GREP1: variants seen among roughly 807,000 people sequenced by gnomAD.
GREP1 encodes glycine rich extracellular protein 1, also known as glycine-rich extracellular protein 1.
intron 20 of GREP1, 166 bp downstream of exon 19, chr16:2,996,871 A>C (rs2072427462): frequency 2.5e-6 from 1 of 399,030 alleles, no homozygotes; most frequent in South Asian, 1.3e-4. Context: ...AGAGACTGAG[A>C]GCCCCCTTCC....
intron 25 of GREP1, among the ~76,000 whole-genome samples, 152 bp from the exon 24 acceptor site, chr16:2,998,693 GCTT>G (rs1336199301): frequency 6.6e-6 from 1 of 152,184 alleles, no homozygotes; most frequent in Non-Finnish European, 1.5e-5. Context: ...AGGGAGCTGG[GCTT>G]TTTCCAGCCT....
rs1228893441 is a variant in GREP1, at chr16:2,997,108, C to T, written c.886+23C>T. 7.5e-6 allele frequency: 3 copies of T among 399,098 alleles called. No homozygotes were observed. In the Admixed American group the frequency reaches 1.3e-4, roughly 18 times the overall value. 24.7% of individuals were successfully genotyped at this position (399,098 alleles called of 1,614,324 possible). ...CAGGTGAGCCCTGCCCCGCCTGTCC[C>T]TCTGCCTCCCCCAAACCCTGAGCTC... On this transcript the variant is annotated intron_variant, in intron 21 of 34. Coordinates refer to ENST00000573315, the Ensembl canonical transcript of GREP1.
chr16:2,997,959 C>T lies in GREP1; in HGVS notation c.949+124C>T, dbSNP rs116569452. 972 of 337,462 alleles carry T rather than the reference C, an allele frequency of 2.9e-3. 5 individuals are homozygous for T. Among genetic ancestry groups the T allele is most frequent in the African/African-American group, 0.019 (885 of 46,618 alleles). The allele number at this position is 337,462 out of a possible 1,614,324, so 20.9% of individuals were successfully genotyped here. On this transcript the variant is annotated intron_variant, in intron 23 of 34. Transcript: ENST00000573315. ...AGAACGGGCTGGAGCTGGAGCCTTC[C>T]TGTGGGAAGGAGCCCAGCCAGGTGA...
intron 19 of GREP1, 34 bp downstream of exon 18, chr16:2,996,565 G>A (rs114305206): frequency 1.4e-3 from 572 of 399,398 alleles, no homozygotes; most frequent in African/African-American, 3.4e-3. Context: ...GCGAGGGGTC[G>A]GGAGGTGGGA....
In GREP1 at chr16:2,996,889, T is replaced by TGCCTCCCTGTCCCCC. The variant is rs1567398331; in HGVS notation, c.746-55_746-41dup. 2.0e-5 allele frequency: 8 copies of TGCCTCCCTGTCCCCC among 399,322 alleles called. 1 individual carries two copies. The South Asian group carries it at 1.0e-3, about 51-fold the overall frequency. The allele number at this position is 399,322 out of a possible 1,614,324, so 24.7% of individuals were successfully genotyped here. ...GACTGAGAGCCCCCTTCCTGGCCCCTGCCTCCCTGTCCCCCAGTGGCTCAG... is the reference window on the plus strand; with the variant it reads ...GACTGAGAGCCCCCTTCCTGGCCCCTGCCTCCCTGTCCCCCGCCTCCCTGTCCCCCAGTGGCTCAG... On this transcript the variant is annotated intron_variant, in intron 20 of 34. Coordinates refer to ENST00000573315, the Ensembl canonical transcript of GREP1.
In GREP1 at chr16:3,000,823, G is replaced by GCCAGGTAA. The variant is rs548206416; in HGVS notation, c.1529_1531+5dup. The GCCAGGTAA allele has an allele frequency of 1.0e-3, 407 of 399,166 alleles. 4 individuals carry two copies. The East Asian group carries it at 0.014, about 14-fold the overall frequency. 24.7% of individuals were successfully genotyped at this position (399,166 alleles called of 1,614,324 possible). On this transcript the variant is annotated frameshift_variant, in exon 33 of 35. Coordinates refer to ENST00000573315, the Ensembl canonical transcript of GREP1. LOFTEE classifies it high-confidence loss of function. Reference sequence around the variant, plus strand: ...ATGAATATGCTGAGGCCAGGAGCCAGCCAGGTAACGGGATGCCTGGATGAG... The same window carrying GCCAGGTAA: ...ATGAATATGCTGAGGCCAGGAGCCAGCCAGGTAACCAGGTAACGGGATGCCTGGATGAG...
chr16:3,001,093 A>G (rs2072459481), intron 33 of GREP1, among the ~76,000 whole-genome samples, 188 bp from the exon 28 acceptor site: 1 of 151,964 alleles, frequency 6.6e-6, no homozygotes, highest in African/African-American at 2.4e-5. Flanking sequence ...GGAGTTGGGA[A>G]CGAGGGCCAT....
chr16:3,000,173 T>C (rs1314748801), intron 29 of GREP1, 55 bp downstream of exon 26: 2 of 399,160 alleles, frequency 5.0e-6, no homozygotes, highest in Non-Finnish European at 8.8e-6. Flanking sequence ...ATCTCCCTCA[T>C]GCCTGAGTCA....
rs1254263688 is a variant in GREP1 at position 2,989,610 on chromosome 16, G to T, written c.130+58G>T. 2 of 400,180 alleles carry T rather than the reference G, an allele frequency of 5.0e-6. No homozygotes were observed. Among genetic ancestry groups the T allele is most frequent in the African/African-American group, 2.1e-5 (1 of 48,544 alleles). 24.8% of individuals were successfully genotyped at this position (400,180 alleles called of 1,614,324 possible). A position where few individuals can be genotyped will look rare whatever the true frequency, so the allele number is the denominator to read the frequency against. ...AGGGCAGGGCACGGGGCAGGGGGGA[G>T]GCAGGACAGGAACAGGGAAAGCTGG... On this transcript the variant is annotated intron_variant, in intron 3 of 34. Transcript: ENST00000573315. The surrounding 1 kb of genome is among the most constrained non-coding windows in gnomAD (Gnocchi z 4.2).
chr16:2,992,595 C>G lies in GREP1; in HGVS notation c.323-210C>G, dbSNP rs2072404674. ...GGCCTCGGCTGGCCATGGAGGACAC[C>G]CAAGCTGGTCAAGGGTGGCCACGGT... On this transcript the variant is annotated intron_variant, in intron 8 of 34. Transcript: ENST00000573315. The surrounding 1 kb of genome is among the most constrained non-coding windows in gnomAD (Gnocchi z 4.9). 2.6e-6 allele frequency: 1 copy of G among 384,488 alleles called. No homozygotes were observed. Among genetic ancestry groups the G allele is most frequent in the Admixed American group, 4.5e-5 (1 of 22,232 alleles). 23.8% of individuals were successfully genotyped at this position (384,488 alleles called of 1,614,324 possible). A position where few individuals can be genotyped will look rare whatever the true frequency, so the allele number is the denominator to read the frequency against.
chr16:2,996,462 C>T (rs547112312), intron 18 of GREP1, 34 bp from the exon 18 acceptor site: 9 of 398,924 alleles, frequency 2.3e-5, no homozygotes, highest in South Asian at 1.3e-4. Flanking sequence ...CTCCGAATGC[C>T]GCCGTCTCAC....
At chr16:2,996,023 C>T (rs2072422822) in intron 18 of GREP1, 1 of 390,812 alleles carries the variant, frequency 2.6e-6, no homozygotes, top group South Asian at 1.4e-4. Context: ...ACCTCCACCT[C>T]CTGGGTTCAA....
intron 5 of GREP1, 132 bp downstream of exon 5, chr16:2,990,254 G>C (rs1297589106): frequency 2.5e-6 from 1 of 397,866 alleles, no homozygotes; most frequent in South Asian, 1.4e-4. Context: ...TCCAAGGGGG[G>C]GTTCAAGGGT....
At position 2,988,966 on chromosome 16, in the gene GREP1, G is replaced by T. The variant is rs1024610157; in HGVS notation, c.100+344G>T. The T allele has an allele frequency of 1.3e-5, 4 of 316,516 alleles. No homozygotes were observed. In the East Asian group the frequency reaches 1.9e-4, roughly 15 times the overall value. 19.6% of individuals were successfully genotyped at this position (316,516 alleles called of 1,614,324 possible). A position where few individuals can be genotyped will look rare whatever the true frequency, so the allele number is the denominator to read the frequency against. On this transcript the variant is annotated intron_variant, in intron 2 of 34. Transcript: ENST00000573315. Reference sequence around the variant, plus strand: ...GACAAGGAGAACTGAGCCTGCTGAGGGGCAGGAGGTGGAGTGTCATGGAAG... The same window carrying T: ...GACAAGGAGAACTGAGCCTGCTGAGTGGCAGGAGGTGGAGTGTCATGGAAG...
Position 2,990,835 on chromosome 16 carries a change from G to T in GREP1, c.269-213G>T, listed in dbSNP as rs552607769. 2.3e-4 allele frequency among the ~76,000 whole-genome samples: 35 copies of T among 152,276 alleles called. 1 individual carries two copies. In the South Asian group the frequency reaches 6.6e-3, roughly 29 times the overall value. On this transcript the variant is annotated intron_variant, in intron 7 of 34. Transcript: ENST00000573315. Reference sequence around the variant, plus strand: ...TGGGCCTCACCCCTGCCTCAGCTCGGTGTGGCTGTGGAGCAGGGAGCCCAG... The same window carrying T: ...TGGGCCTCACCCCTGCCTCAGCTCGTTGTGGCTGTGGAGCAGGGAGCCCAG...
chr16:2,998,354 A>C lies in GREP1; in HGVS notation c.950-2A>C. On this transcript the variant is annotated splice_acceptor_variant, in intron 23 of 34. Transcript: ENST00000573315. LOFTEE classifies it high-confidence loss of function. ...AACTGGCCTCTTTCTGTCTCTCCCC[A>C]GGCCTGCGAGGGACCTTGAAGCCTC... The C allele has an allele frequency of 2.5e-6, 1 of 399,336 alleles. No homozygotes were observed. Among genetic ancestry groups the C allele is most frequent in the Admixed American group, 4.4e-5 (1 of 22,730 alleles). The allele number at this position is 399,336 out of a possible 1,614,324, so 24.7% of individuals were successfully genotyped here.
intron 27 of GREP1, chr16:2,999,332 C>G (rs1410358583): frequency 1.0e-5 from 4 of 398,642 alleles, no homozygotes; most frequent in Non-Finnish European, 1.8e-5. Context: ...GGCCCCACAT[C>G]CCAGAGGGAC....
At chr16:3,000,186 C>A (rs2072452450) in intron 29 of GREP1, 68 bp downstream of exon 26, 3 of 399,282 alleles carry the variant, frequency 7.5e-6, no homozygotes, top group South Asian at 1.3e-4. Flanking sequence ...CTGAGTCAGT[C>A]TGTCTGTCCG....
chr16:2,990,215 C>G, intron 5 of GREP1, 93 bp downstream of exon 5: 1 of 398,420 alleles, frequency 2.5e-6, no homozygotes, highest in Middle Eastern at 6.3e-4. Flanking sequence ...GCGCAGAGAG[C>G]CTCTCAGGTT....
Sources: gnomAD v4.1 joint callset for allele counts (sites outside exome capture counted in the v4.1 genomes callset) on GRCh38, gnomAD v4.1.1 for gene constraint, Gnocchi (gnomAD v3.1) non-coding constraint, MANE v1.5 for transcripts, NCBI Gene and HGNC (gene_info 2026-07-23, HGNC 2026-07-21) for gene names.